The following PTPRD variants were observed in gnomAD, a reference collection of about 807,000 sequenced individuals.
The protein encoded by PTPRD is receptor-type tyrosine-protein phosphatase delta.
In PTPRD, 34 loss-of-function variants were observed where a neutral mutation model predicts 214.5. The ratio of observed to expected loss-of-function variants is 0.16; its 90% confidence interval spans 0.12 to 0.21. PTPRD has a LOEUF of 0.21. Ranked by LOEUF, PTPRD falls within the 10% of genes least tolerant of loss-of-function variation. The pLI, the probability that PTPRD is intolerant of heterozygous loss-of-function variation, is 1.00. For synonymous variants in PTPRD, 1,128 were observed against 845.7 expected (o/e 1.33, Z -5.79); for missense variants, 2,545 against 2,398.7 (o/e 1.06, Z -1.27).
chr9:10,232,311 C>T (rs2099614290), intron 3 of PTPRD, among the ~76,000 whole-genome samples: 1 of 151,818 alleles, frequency 6.6e-6, no homozygotes, highest in South Asian at 2.1e-4. Context: ...TGAAATGATC[C>T]ACTAATCCAG....
At chr9:10,023,340 C>T (rs1466405494) in intron 4 of PTPRD, among the ~76,000 whole-genome samples, 1 of 152,120 alleles carries the variant, frequency 6.6e-6, no homozygotes, top group East Asian at 1.9e-4. Context: ...GCCTCTCCAG[C>T]CATGCCACAG....
At chr9:10,071,884 C>T (rs984221160) in intron 3 of PTPRD, among the ~76,000 whole-genome samples, 1 of 151,830 alleles carries the variant, frequency 6.6e-6, no homozygotes, top group Non-Finnish European at 1.5e-5. Context: ...TGATATGTTT[C>T]TGTATCTTGC....
intron 8 of PTPRD, among the ~76,000 whole-genome samples, chr9:9,523,862 A>T (rs1274011872): frequency 6.6e-6 from 1 of 151,992 alleles, no homozygotes; most frequent in Non-Finnish European, 1.5e-5. Context: ...CCGGCCCATT[A>T]CCCCGTGTCC....
At chr9:9,525,539 A>C (rs1272897361) in intron 8 of PTPRD, among the ~76,000 whole-genome samples, 1 of 152,210 alleles carries the variant, frequency 6.6e-6, no homozygotes, top group African/African-American at 2.4e-5. Context: ...TGAGAGGAAT[A>C]AATTATTAAT....
intron 14 of PTPRD, among the ~76,000 whole-genome samples, chr9:8,545,372 T>A (rs749472183): frequency 6.6e-5 from 10 of 152,178 alleles, no homozygotes; most frequent in Non-Finnish European, 1.2e-4. Context: ...GACTCCAGGA[T>A]CCCTAAGTTC....
At position 10,018,641 on chromosome 9, in the gene PTPRD, G is replaced by A. The variant is rs1482643946; in HGVS notation, c.-472+15077C>T. 3.6e-3 allele frequency among the ~76,000 whole-genome samples: 459 copies of A among 128,058 alleles called. 5 individuals are homozygous for A. The highest frequency in any genetic ancestry group is 0.027 in the Admixed American group (279 of 10,190). 84.0% of individuals were successfully genotyped at this position (128,058 alleles called of 152,430 possible). Reference sequence around the variant, plus strand: ...CGGCTCACTGCAAGCTCCGCCTCCCGGGTTCATGCCATTCTCCTGCCTCAG... The same window carrying A: ...CGGCTCACTGCAAGCTCCGCCTCCCAGGTTCATGCCATTCTCCTGCCTCAG... On this transcript the variant is annotated intron_variant, in intron 4 of 45. Coordinates refer to ENST00000381196, the MANE Select transcript of PTPRD (RefSeq NM_002839.4).
chr9:10,225,291 C>G (rs1421111974), intron 3 of PTPRD, among the ~76,000 whole-genome samples: 1 of 151,866 alleles, frequency 6.6e-6, no homozygotes, highest in East Asian at 1.9e-4. Context: ...TAAGTATATT[C>G]ATAAAGCAAA....
chr9:8,631,465 A>C (rs1231741521), intron 14 of PTPRD, among the ~76,000 whole-genome samples: 1 of 151,634 alleles, frequency 6.6e-6, no homozygotes, highest in East Asian at 1.9e-4. Context: ...CTGGGTATGA[A>C]CAACCTTCTC....
intron 10 of PTPRD, among the ~76,000 whole-genome samples, chr9:9,107,976 C>T (rs2099801034): frequency 6.6e-6 from 1 of 152,022 alleles, no homozygotes; most frequent in African/African-American, 2.4e-5. Context: ...CACTTTTCTC[C>T]CTCAAAATTT....
chr9:8,420,322 T>C (rs570502059), intron 35 of PTPRD, among the ~76,000 whole-genome samples: 4 of 152,306 alleles, frequency 2.6e-5, no homozygotes, highest in Admixed American at 6.5e-5. Flanking sequence ...GAAAATTATA[T>C]AGACTTTTAA....
chr9:9,382,791 T>C (rs2062732558), intron 9 of PTPRD, among the ~76,000 whole-genome samples: 1 of 152,072 alleles, frequency 6.6e-6, no homozygotes, highest in African/African-American at 2.4e-5. Context: ...GATTTGGTAA[T>C]CCTACTTCTG....
At chr9:8,599,642 A>G (rs1193912587) in intron 14 of PTPRD, among the ~76,000 whole-genome samples, 1 of 22,932 alleles carries the variant, frequency 4.4e-5, no homozygotes, top group East Asian at 1.0e-3. Context: ...TTTTTTTTTG[A>G]AACGGAGTTT....
chr9:8,820,553 C>T (rs1472497865), intron 11 of PTPRD, among the ~76,000 whole-genome samples: 1 of 152,110 alleles, frequency 6.6e-6, no homozygotes, highest in Admixed American at 6.5e-5. Context: ...TTCCTTTAAT[C>T]CTATCAAGGT....
At chr9:9,827,824 C>T (rs1386051473) in intron 5 of PTPRD, among the ~76,000 whole-genome samples, 4 of 151,792 alleles carry the variant, frequency 2.6e-5, no homozygotes, top group South Asian at 2.1e-4. Context: ...AAAAACAACC[C>T]CATCAACAAG....
chr9:8,641,348 C>A (rs1438839768), intron 12 of PTPRD, among the ~76,000 whole-genome samples: 1 of 148,336 alleles, frequency 6.7e-6, no homozygotes, highest in Non-Finnish European at 1.5e-5. Flanking sequence ...GGGAGAAAGG[C>A]ATTAGAACTT....
chr9:9,830,230 T>C (rs2054356313), intron 5 of PTPRD, among the ~76,000 whole-genome samples: 1 of 151,858 alleles, frequency 6.6e-6, no homozygotes, highest in South Asian at 2.1e-4. Context: ...TTATTACTAC[T>C]GATAGAGTAT....
chr9:10,030,155 T>A (rs2097028291), intron 4 of PTPRD, among the ~76,000 whole-genome samples: 1 of 152,142 alleles, frequency 6.6e-6, no homozygotes, highest in South Asian at 2.1e-4. Flanking sequence ...TTTTGTAAAT[T>A]GCCACAGTCA....
At chr9:9,325,488 CTGTT>C (rs1969523821) in intron 9 of PTPRD, among the ~76,000 whole-genome samples, 2 of 152,182 alleles carry the variant, frequency 1.3e-5, no homozygotes, top group South Asian at 2.1e-4. Context: ...ATTTGGCTCT[CTGTT>C]TGTCTGTTGT....
chr9:8,765,133 CA>C (rs2094634136), intron 11 of PTPRD, among the ~76,000 whole-genome samples: 1 of 152,018 alleles, frequency 6.6e-6, no homozygotes, highest in Non-Finnish European at 1.5e-5. Context: ...TTGCAATTAC[CA>C]AATGCTAAAT....
Sources: gnomAD v4.1 joint callset for allele counts (sites outside exome capture counted in the v4.1 genomes callset) on GRCh38, gnomAD v4.1.1 for gene constraint, MANE v1.5 for transcripts, NCBI Gene and HGNC (gene_info 2026-07-23, HGNC 2026-07-21) for gene names.